SOX6: variants seen among roughly 807,000 people sequenced by gnomAD.
SOX6 encodes SRY-box transcription factor 6.
A neutral mutation model predicts 97.8 loss-of-function variants in SOX6; 11 were observed. That is an observed-to-expected ratio of 0.11 (90% CI 0.07 to 0.19). SOX6 has a LOEUF of 0.19. Among genes scored for constraint, SOX6 ranks in the 10% least tolerant of loss-of-function variants. The pLI, the probability that SOX6 is intolerant of heterozygous loss-of-function variation, is 1.00. For missense variants in SOX6, 810 were observed against 1,039.5 expected (o/e 0.78, Z 3.04); for synonymous variants, 360 against 371.4 (o/e 0.97, Z 0.35).
intron 3 of SOX6, among the ~76,000 whole-genome samples, chr11:16,626,948 T>C (rs951845903): frequency 6.6e-6 from 1 of 152,170 alleles, no homozygotes; most frequent in African/African-American, 2.4e-5. Flanking sequence ...TAATACCCAA[T>C]AGTTTTTCAA....
chr11:16,025,077 T>C (rs1855177665), intron 12 of SOX6, among the ~76,000 whole-genome samples: 1 of 152,266 alleles, frequency 6.6e-6, no homozygotes, highest in Admixed American at 6.5e-5. Context: ...TTATAGTGCT[T>C]ACTGAACCCC....
At chr11:16,026,326 G>T (rs888720468) in intron 12 of SOX6, among the ~76,000 whole-genome samples, 2 of 151,984 alleles carry the variant, frequency 1.3e-5, no homozygotes, top group Admixed American at 6.6e-5. Flanking sequence ...GCCTACCAAA[G>T]CATGGTCACC....
chr11:16,481,324 A>G (rs1048932811), upstream of SOX6, among the ~76,000 whole-genome samples: 1 of 152,138 alleles, frequency 6.6e-6, no homozygotes, highest in Non-Finnish European at 1.5e-5. Flanking sequence ...TATTTTTTTT[A>G]AATGCAGTTG....
At chr11:16,737,094 G>A (rs1279467759) in intron 1 of SOX6, among the ~76,000 whole-genome samples, 1 of 152,162 alleles carries the variant, frequency 6.6e-6, no homozygotes, top group Non-Finnish European at 1.5e-5. Context: ...TTTGTACACA[G>A]GCAGTGAAAC....
At chr11:16,190,790 G>A (rs1014378713) in intron 4 of SOX6, among the ~76,000 whole-genome samples, 4 of 152,136 alleles carry the variant, frequency 2.6e-5, no homozygotes, top group African/African-American at 4.8e-5. Context: ...GTGTGTGTGC[G>A]TGGCAGTGGG....
chr11:16,432,455 G>A (rs1859289525), intron 1 of SOX6, among the ~76,000 whole-genome samples: 1 of 152,060 alleles, frequency 6.6e-6, no homozygotes, highest in African/African-American at 2.4e-5. Context: ...ACTCTTAAGA[G>A]TTTTAAATAT....
chr11:16,321,225 C>T (rs1855914162), intron 2 of SOX6, among the ~76,000 whole-genome samples: 1 of 144,166 alleles, frequency 6.9e-6, no homozygotes, highest in South Asian at 2.2e-4. Flanking sequence ...ACTTCAGTTG[C>T]TTTTATTTCA....
At chr11:16,206,375 T>C (rs1480629026) in intron 4 of SOX6, among the ~76,000 whole-genome samples, 1 of 152,322 alleles carries the variant, frequency 6.6e-6, no homozygotes, top group African/African-American at 2.4e-5. Context: ...AATATAACTT[T>C]TAATTCTTTG....
At chr11:16,221,708 A>G (rs938934079) in intron 4 of SOX6, among the ~76,000 whole-genome samples, 26 of 152,184 alleles carry the variant, frequency 1.7e-4, no homozygotes, top group African/African-American at 5.5e-4. Context: ...ATCTGCCATC[A>G]AGAGCATGAC....
chr11:16,478,585 T>C (rs1328197982), upstream of SOX6, among the ~76,000 whole-genome samples: 1 of 152,188 alleles, frequency 6.6e-6, no homozygotes, highest in East Asian at 1.9e-4. Flanking sequence ...TTTGCACTAT[T>C]GGTGAAATTT....
intron 3 of SOX6, among the ~76,000 whole-genome samples, chr11:16,706,661 T>C (rs1848139074): frequency 6.7e-6 from 1 of 148,228 alleles, no homozygotes; most frequent in Admixed American, 6.7e-5. Flanking sequence ...TAGGAGGGAG[T>C]TCACTCCAGA....
At chr11:16,376,572 G>C (rs1191773667) in intron 1 of SOX6, among the ~76,000 whole-genome samples, 1 of 152,090 alleles carries the variant, frequency 6.6e-6, no homozygotes, top group Non-Finnish European at 1.5e-5. Context: ...TGGGTACCAG[G>C]AATACAGGAA....
intron 12 of SOX6, among the ~76,000 whole-genome samples, chr11:16,032,366 C>T (rs1855401030): frequency 6.6e-6 from 1 of 152,194 alleles, no homozygotes; most frequent in Non-Finnish European, 1.5e-5. Flanking sequence ...CACAGGATTT[C>T]TGTGAACATC....
chr11:16,592,668 T>C (rs1490390018), intron 4 of SOX6, among the ~76,000 whole-genome samples: 1 of 152,116 alleles, frequency 6.6e-6, no homozygotes, highest in East Asian at 1.9e-4. Flanking sequence ...TATATAAGCA[T>C]AGCCTCATAA....
chr11:16,105,492 C>T (rs180806104), intron 7 of SOX6, among the ~76,000 whole-genome samples: 38 of 152,112 alleles, frequency 2.5e-4, no homozygotes, highest in African/African-American at 7.7e-4. Context: ...TGCTTGAAGC[C>T]AGGAGTTCAA....
At chr11:15,988,919 C>T in intron 14 of SOX6, 78 bp downstream of exon 14, 1 of 1,381,848 alleles carries the variant, frequency 7.2e-7, no homozygotes, top group East Asian at 2.3e-5. Flanking sequence ...TCCTAGTTAT[C>T]CCCTTGCTTC....
intron 13 of SOX6, among the ~76,000 whole-genome samples, chr11:16,008,843 G>A (rs1854632510): frequency 6.6e-6 from 1 of 152,028 alleles, no homozygotes; most frequent in South Asian, 2.1e-4. Context: ...TCATACAACA[G>A]AGTTAGTCCA....
At chr11:16,548,056 A>G (rs1033889060) in intron 4 of SOX6, among the ~76,000 whole-genome samples, 21 of 152,206 alleles carry the variant, frequency 1.4e-4, no homozygotes, top group African/African-American at 5.1e-4. Flanking sequence ...ATATAAAGGA[A>G]CAAAAATGAG....
chr11:16,483,236 A>G (rs183074545), intron 4 of SOX6, among the ~76,000 whole-genome samples: 2 of 152,358 alleles, frequency 1.3e-5, no homozygotes, highest in East Asian at 3.9e-4. Flanking sequence ...CAAGTATAAT[A>G]TAGTAAATGC....
Sources: allele counts gnomAD v4.1 joint callset (sites outside exome capture counted in the v4.1 genomes callset), GRCh38; gene constraint gnomAD v4.1.1; transcripts MANE v1.5; gene names NCBI Gene and HGNC (gene_info 2026-07-23, HGNC 2026-07-21).